The following NBPF9 variants were observed in gnomAD, a reference collection of about 807,000 sequenced individuals.
The protein encoded by NBPF9 is NBPF member 9.
A neutral mutation model predicts 97.8 loss-of-function variants in NBPF9; 91 were observed. The ratio of observed to expected loss-of-function variants is 0.93; its 90% CI spans 0.79 to 1.11. The LOEUF is 1.11. Ranked by LOEUF, NBPF9 falls within the 50% of genes least tolerant of loss-of-function variation. The probability of loss-of-function intolerance (pLI) is 0.00; values close to 1 mark genes in which losing one functional copy is unlikely to be tolerated. For synonymous variants in NBPF9, 334 were observed against 359.5 expected (o/e 0.93, Z 0.80); for missense variants, 992 against 939.5 (o/e 1.06, Z -0.73).
rs150705934 is a variant in NBPF9, at chr1:149,071,911, G to A, written c.1307-235C>T. Among the ~76,000 whole-genome samples the A allele has an allele frequency of 2.3e-3, 346 of 151,906 alleles. 2 individuals carry two copies. Among genetic ancestry groups the A allele is most frequent in the African/African-American group, 5.1e-3 (211 of 41,342 alleles). On this transcript the variant is annotated intron_variant, in intron 14 of 29. Coordinates refer to ENST00000584027, the Ensembl canonical transcript of NBPF9. ...TGGCCAAATATTGAAAAGACCTTTCGCTTCCCATATCACTGGAGGCTTGTG... is the reference window on the plus strand; with the variant it reads ...TGGCCAAATATTGAAAAGACCTTTCACTTCCCATATCACTGGAGGCTTGTG...
intron 3 of NBPF9, 142 bp downstream of exon 3, chr1:149,101,120 C>T (rs1267673953): frequency 6.6e-6 from 1 of 151,524 alleles, no homozygotes; most frequent in Non-Finnish European, 1.5e-5. Context: ...GGTGCAGTGG[C>T]TCATGCCTGT....
chr1:149,082,067 G>A (rs782095138), exon 7 of NBPF9: 17 of 1,609,906 alleles, frequency 1.1e-5, no homozygotes, highest in Non-Finnish European at 1.4e-5. Context: ...AACTGGGGGC[G>A]CAATTTCTCG....
chr1:149,055,860 G>C (rs782197514), exon 30 of NBPF9: 2 of 1,608,338 alleles, frequency 1.2e-6, no homozygotes, highest in Non-Finnish European at 8.5e-7. Context: ...AGTCCTGCAA[G>C]ACTTCAGGCT....
chr1:149,103,333 C>T (rs1359078154), exon 1 of NBPF9: 2 of 152,034 alleles, frequency 1.3e-5, no homozygotes, highest in East Asian at 1.9e-4. Context: ...CGCTGTAAAC[C>T]GTAACTTCCC....
At chr1:149,084,890 T>C (rs1334140635) in intron 5 of NBPF9, among the ~76,000 whole-genome samples, 1 of 150,824 alleles carries the variant, frequency 6.6e-6, no homozygotes, top group Non-Finnish European at 1.5e-5. Context: ...AGCCCCCACC[T>C]TCAACGTCAT....
intron 18 of NBPF9, 142 bp from the exon 19 acceptor site, chr1:149,064,624 G>T (rs1341494673): frequency 7.8e-6 from 5 of 637,744 alleles, no homozygotes; most frequent in East Asian, 3.0e-5. Flanking sequence ...ATTCCAGTAG[G>T]CCTGAGGTCA....
chr1:149,064,147 C>A (rs1553651027), intron 19 of NBPF9, among the ~76,000 whole-genome samples: 1 of 137,154 alleles, frequency 7.3e-6, no homozygotes, highest in African/African-American at 2.9e-5. Context: ...AAAAGCATGT[C>A]CTCAATAATT....
exon 30 of NBPF9, chr1:149,055,514 G>A (rs1358008915): frequency 1.3e-6 from 2 of 1,539,366 alleles, no homozygotes; most frequent in East Asian, 2.3e-5. Flanking sequence ...CCACTGGCAT[G>A]GTTTGAGAAT....
downstream of NBPF9, among the ~76,000 whole-genome samples, chr1:149,052,393 A>AG (rs2077963916): frequency 6.6e-6 from 1 of 151,102 alleles, no homozygotes; most frequent in Non-Finnish European, 1.5e-5. Context: ...ACCGAGCACC[A>AG]GGGTGCCAGG....
intron 24 of NBPF9, chr1:149,060,299 C>A: frequency 2.6e-6 from 1 of 380,014 alleles, no homozygotes; most frequent in East Asian, 3.1e-5. Flanking sequence ...AGGATCAGGG[C>A]GCCACAGGTA....
At chr1:149,060,679 G>C (rs2078532913) in exon 24 of NBPF9, 2 of 368,336 alleles carry the variant, frequency 5.4e-6, no homozygotes, top group East Asian at 7.1e-5. Flanking sequence ...ACTACCTCCA[G>C]CAGCTCCCTG....
chr1:149,088,450 A>T (rs2081187905), intron 5 of NBPF9, among the ~76,000 whole-genome samples: 1 of 152,212 alleles, frequency 6.6e-6, no homozygotes, highest in Non-Finnish European at 1.5e-5. Flanking sequence ...TTAGAAGAGT[A>T]ACAACAGGTA....
intron 5 of NBPF9, among the ~76,000 whole-genome samples, chr1:149,086,642 G>A (rs2081024763): frequency 1.3e-5 from 2 of 152,352 alleles, no homozygotes; most frequent in East Asian, 1.9e-4. Flanking sequence ...AATCATTTAT[G>A]TATTTAGATG....
At chr1:149,076,946 C>A (rs1481202152) in intron 11 of NBPF9, among the ~76,000 whole-genome samples, 4 of 151,258 alleles carry the variant, frequency 2.6e-5, no homozygotes, top group Admixed American at 2.0e-4. Flanking sequence ...AGGCATGCAG[C>A]ACCATGCCTG....
chr1:149,068,284 C>T (rs1429544785), intron 17 of NBPF9, among the ~76,000 whole-genome samples: 3 of 150,380 alleles, frequency 2.0e-5, no homozygotes, highest in African/African-American at 4.9e-5. Context: ...CAATATTAAC[C>T]TTAAATGTAA....
At position 149,058,092 on chromosome 1, in the gene NBPF9, C is replaced by T. The variant is rs1419363284; in HGVS notation, c.2810+72G>A. 22 of 480,678 alleles carry T rather than the reference C, an allele frequency of 4.6e-5. 1 individual carries two copies. Among genetic ancestry groups the T allele is most frequent in the Admixed American group, 2.0e-4 (6 of 30,468 alleles). 29.8% of individuals were successfully genotyped at this position (480,678 alleles called of 1,614,324 possible). Reference sequence around the variant, plus strand: ...AAAGATGTAATCGATAATGTCAGCCCGCTCTGTTTTCCCTGAACCAGGAGT... The same window carrying T: ...AAAGATGTAATCGATAATGTCAGCCTGCTCTGTTTTCCCTGAACCAGGAGT... On this transcript the variant is annotated intron_variant, in intron 27 of 29. Transcript: ENST00000584027.
At chr1:149,076,535 C>T (rs1559530929) in intron 11 of NBPF9, among the ~76,000 whole-genome samples, 1 of 147,392 alleles carries the variant, frequency 6.8e-6, no homozygotes, top group Non-Finnish European at 1.5e-5. Flanking sequence ...TGGAGTCTCG[C>T]TCTGTCTCCC....
At chr1:149,071,526 G>C (rs376344648) in intron 15 of NBPF9, 78 bp downstream of exon 15, 105,394 of 1,016,872 alleles carry the variant, frequency 0.1, 7,368 homozygotes, top group African/African-American at 0.19. Flanking sequence ...GCCCATCATA[G>C]ATGCCAGAGA....
At chr1:149,083,168 T>G in intron 5 of NBPF9, among the ~76,000 whole-genome samples, 1 of 147,418 alleles carries the variant, frequency 6.8e-6, no homozygotes, top group South Asian at 2.2e-4. Flanking sequence ...GTTTTTCCCT[T>G]GTTTCATTTT....
Sources: gnomAD v4.1 joint callset for allele counts (sites outside exome capture counted in the v4.1 genomes callset) on GRCh38, gnomAD v4.1.1 for gene constraint, MANE v1.5 for transcripts, NCBI Gene and HGNC (gene_info 2026-07-23, HGNC 2026-07-21) for gene names.